Variants in BCL2 observed in about 807,000 individuals in gnomAD.
The protein encoded by BCL2 is BCL2 apoptosis regulator.
A neutral mutation model predicts 14.2 loss-of-function variants in BCL2; 1 was observed. The observed-to-expected ratio is 0.07, with a 90% confidence interval of 0.02 to 0.33. The LOEUF (loss-of-function observed/expected upper bound fraction) is 0.33. BCL2 is among the 10% of genes least tolerant of loss of function. The pLI is 0.99. For synonymous variants in BCL2, 151 were observed against 137.2 expected, an observed-to-expected ratio of 1.10 and a Z score of -0.70; for missense variants, 247 against 305.9, an observed-to-expected ratio of 0.81 and a Z score of 1.44.
At chr18:63,277,967 A>T (rs1220609755) in intron 2 of BCL2, among the ~76,000 whole-genome samples, 1 of 152,214 alleles carries the variant, frequency 6.6e-6, no homozygotes, top group Non-Finnish European at 1.5e-5. Context: ...ATTTGATTCT[A>T]GAAGCCAGTG....
chr18:63,209,735 G>T (rs185509209), intron 2 of BCL2, among the ~76,000 whole-genome samples: 4 of 152,216 alleles, frequency 2.6e-5, no homozygotes, highest in Admixed American at 2.6e-4. Context: ...CCGAGACAGA[G>T]GAAACAGAGC....
intron 2 of BCL2, among the ~76,000 whole-genome samples, chr18:63,219,030 C>T (rs897633552): frequency 6.6e-6 from 1 of 152,208 alleles, no homozygotes; most frequent in Non-Finnish European, 1.5e-5. Context: ...CTGCACTCAT[C>T]CAACACTTTA....
chr18:63,164,195 C>T (rs1490974455), intron 2 of BCL2, among the ~76,000 whole-genome samples: 1 of 152,218 alleles, frequency 6.6e-6, no homozygotes, highest in African/African-American at 2.4e-5. Context: ...ACCACCCTTC[C>T]ATGCTCTGTA....
At chr18:63,203,282 A>C (rs1909751174) in intron 2 of BCL2, among the ~76,000 whole-genome samples, 1 of 152,260 alleles carries the variant, frequency 6.6e-6, no homozygotes, top group African/African-American at 2.4e-5. Flanking sequence ...CTGGGCTTAA[A>C]GAGAATTCCT....
intron 2 of BCL2, among the ~76,000 whole-genome samples, chr18:63,264,816 C>T (rs890897111): frequency 2.2e-4 from 2 of 8,910 alleles, no homozygotes; most frequent in Non-Finnish European, 4.6e-4. Context: ...ATATGACACC[C>T]CAAACCTCTT....
intron 2 of BCL2, among the ~76,000 whole-genome samples, chr18:63,270,371 C>CATA (rs1911971590): frequency 6.6e-6 from 1 of 152,122 alleles, no homozygotes; most frequent in African/African-American, 2.4e-5. Flanking sequence ...AGTCATCATA[C>CATA]AGTAGTATAA....
chr18:63,304,797 C>T (rs985215883), intron 2 of BCL2, among the ~76,000 whole-genome samples: 2 of 152,152 alleles, frequency 1.3e-5, no homozygotes, highest in African/African-American at 4.8e-5. Context: ...CAGGACTACA[C>T]TTACGGGCAC....
chr18:63,295,372 T>C (rs1249581891), intron 2 of BCL2, among the ~76,000 whole-genome samples: 1 of 152,130 alleles, frequency 6.6e-6, no homozygotes. Context: ...TCCAGGCCAA[T>C]GATCTCATTT....
intron 2 of BCL2, among the ~76,000 whole-genome samples, chr18:63,288,682 C>T (rs1054394448): frequency 1.3e-5 from 2 of 152,192 alleles, no homozygotes; most frequent in East Asian, 3.8e-4. Flanking sequence ...CCATCACAGC[C>T]ATTGGGATAT....
chr18:63,146,908 G>A (rs1158496096), intron 2 of BCL2, among the ~76,000 whole-genome samples: 3 of 152,088 alleles, frequency 2.0e-5, no homozygotes, highest in South Asian at 4.2e-4. Context: ...TTTTATTAAG[G>A]GTAACTTTAA....
At chr18:63,221,979 C>T (rs893707750) in intron 2 of BCL2, among the ~76,000 whole-genome samples, 1 of 152,110 alleles carries the variant, frequency 6.6e-6, no homozygotes, top group Non-Finnish European at 1.5e-5. Flanking sequence ...TCAGGACTCA[C>T]AAGATTCCTA....
intron 2 of BCL2, among the ~76,000 whole-genome samples, chr18:63,155,062 C>T (rs1914739458): frequency 6.6e-6 from 1 of 152,208 alleles, no homozygotes; most frequent in Admixed American, 6.5e-5. Flanking sequence ...AGATATCTAA[C>T]ATCTCTGAGC....
chr18:63,245,719 ATTG>A (rs199503139), intron 2 of BCL2, among the ~76,000 whole-genome samples: 1,672 of 152,302 alleles, frequency 0.011, 33 homozygotes, highest in African/African-American at 0.037. Flanking sequence ...ACCATTTACT[ATTG>A]TTATGCAAGA....
chr18:63,136,392 A>G (rs1171768890), intron 2 of BCL2, among the ~76,000 whole-genome samples: 1 of 152,166 alleles, frequency 6.6e-6, no homozygotes, highest in African/African-American at 2.4e-5. Context: ...TGGCTATGGC[A>G]TCAAGTAAAC....
chr18:63,134,470 T>C (rs1914157815), intron 2 of BCL2, among the ~76,000 whole-genome samples: 1 of 152,174 alleles, frequency 6.6e-6, no homozygotes, highest in Admixed American at 6.5e-5. Context: ...TCTCATGAGC[T>C]CTGCCCCTCA....
At chr18:63,311,812 T>G (rs1242842223) in intron 2 of BCL2, among the ~76,000 whole-genome samples, 1 of 152,208 alleles carries the variant, frequency 6.6e-6, no homozygotes, top group Admixed American at 6.5e-5. Flanking sequence ...ACTCTCAGTA[T>G]ATTGCTACAA....
chr18:63,311,550 A>G (rs1233847292), intron 2 of BCL2, among the ~76,000 whole-genome samples: 5 of 152,230 alleles, frequency 3.3e-5, no homozygotes. Context: ...TTTGGGAGAC[A>G]TGATAATGAG....
chr18:63,204,880 G>A (rs1225266733), intron 2 of BCL2, among the ~76,000 whole-genome samples: 1 of 152,166 alleles, frequency 6.6e-6, no homozygotes, highest in East Asian at 1.9e-4. Flanking sequence ...GCTGCCTTTT[G>A]TGTAAGAAAG....
intron 2 of BCL2, among the ~76,000 whole-genome samples, chr18:63,292,541 A>AG (rs1286365288): frequency 6.6e-6 from 1 of 152,166 alleles, no homozygotes; most frequent in East Asian, 1.9e-4. Flanking sequence ...GGTAATAGAA[A>AG]GGGGGGGCTT....
Sources: allele counts gnomAD v4.1 joint callset (sites outside exome capture counted in the v4.1 genomes callset), GRCh38; gene constraint gnomAD v4.1.1; transcripts MANE v1.5; gene names NCBI Gene and HGNC (gene_info 2026-07-23, HGNC 2026-07-21).